Variants in CLEC19A observed in about 807,000 individuals in gnomAD.
CLEC19A encodes the protein C-type lectin domain family 19 member A.
Under a neutral mutation model 26.1 loss-of-function variants are expected in CLEC19A, and 21 were observed. The observed-to-expected ratio is 0.80, with a 90% CI of 0.57 to 1.16. The LOEUF is 1.16. Ranked by LOEUF, CLEC19A falls within the 50% of genes most tolerant of loss-of-function variation. The pLI is 0.00. For synonymous variants in CLEC19A, 89 were observed against 88.6 expected (o/e 1.00, Z -0.03); for missense variants, 224 against 227.6 (o/e 0.98, Z 0.10).
At chr16:19,301,746 T>TTG (rs1457920562) in intron 2 of CLEC19A, among the ~76,000 whole-genome samples, 2,916 of 121,880 alleles carry the variant, frequency 0.024, 265 homozygotes, top group African/African-American at 0.095. Context: ...GTTTTTTTTT[T>TTG]TTTTTTTTTT....
In CLEC19A at chr16:19,298,774, G is replaced by A. The variant is rs1597084517; in HGVS notation, c.190G>A (p.Ala64Thr). Residue 64 changes from alanine to threonine, a missense_variant, in exon 2 of 5, where the codon GCC (alanine) becomes ACC (threonine). Physicochemically the swap from Ala to Thr is moderately conservative, Grantham distance 58. Transcript: ENST00000636231. ...CCCTCTCAATAAGACCTGGGCTGAG[G>A]CCGACCTCTACTGTTCTGAGTTCTC... ...FFPLNKTWAE[A>T]DLYCSEFSVG... The A allele has an allele frequency of 1.3e-6, 2 of 1,550,764 alleles. No homozygotes were observed. The highest frequency in any genetic ancestry group is 1.7e-6 in the Non-Finnish European group (2 of 1,147,020).
chr16:19,297,886 GT>G (rs931558000), intron 1 of CLEC19A, among the ~76,000 whole-genome samples: 4 of 152,242 alleles, frequency 2.6e-5, no homozygotes, highest in African/African-American at 7.2e-5. Flanking sequence ...GTATGTATAT[GT>G]TTTTTGGACC....
In CLEC19A at chr16:19,309,146, A is replaced by T; in HGVS notation, c.*63A>T. On this transcript the variant is annotated 3_prime_UTR_variant, in exon 5 of 5. Coordinates refer to ENST00000636231, the MANE Select transcript of CLEC19A (RefSeq NM_001256720.2). ...ATCATCTTGTAGCTGTAACCAGTGT[A>T]GAATTGACATTGAATACATGTAAAA... 2 of 1,221,054 alleles carry T rather than the reference A, an allele frequency of 1.6e-6. No individual in the cohort carries two copies. Among genetic ancestry groups the T allele is most frequent in the Non-Finnish European group, 2.4e-6 (2 of 850,258 alleles). 75.6% of individuals were successfully genotyped at this position (1,221,054 alleles called of 1,614,324 possible).
In CLEC19A at chr16:19,304,144, G is replaced by A. The variant is rs1169777787; in HGVS notation, c.337G>A (p.Asp113Asn). 4.5e-6 allele frequency: 7 copies of A among 1,550,590 alleles called. No homozygotes were observed. The highest frequency in any genetic ancestry group is 1.2e-5 in the South Asian group (1 of 84,050). ...AGCTGACGTCTGGACAGGCCTTCATGATCACAGACAGGTGAGAAAGCAGTG... is the reference window on the plus strand; with the variant it reads ...AGCTGACGTCTGGACAGGCCTTCATAATCACAGACAGGTGAGAAAGCAGTG... ...IPADVWTGLH[D>N]HRQEGQFEWT... The change falls in exon 3 of 5, where the codon GAT (aspartate) becomes AAT (asparagine). Residue 113 changes from aspartate to asparagine, a missense_variant. Transcript: ENST00000636231.
chr16:19,294,636 T>C (rs1897666646), intron 1 of CLEC19A, among the ~76,000 whole-genome samples: 1 of 152,230 alleles, frequency 6.6e-6, no homozygotes, highest in Non-Finnish European at 1.5e-5. Context: ...ACTTCCCTTC[T>C]GCAGACTTCT....
intron 1 of CLEC19A, among the ~76,000 whole-genome samples, chr16:19,293,727 A>AGCAGC (rs1897641609): frequency 6.6e-6 from 1 of 151,674 alleles, no homozygotes; most frequent in African/African-American, 2.4e-5. Flanking sequence ...AAGTGTTGAG[A>AGCAGC]TTACAGGTGT....
At position 19,301,736 on chromosome 16, in the gene CLEC19A, G is replaced by GTTTTTTTTTTTTTTTTTTTTTTTTT. The variant is rs1171248968; in HGVS notation, c.255-2322_255-2298dup. On this transcript the variant is annotated intron_variant, in intron 2 of 4. Transcript: ENST00000636231. ...ATGACACCATGCCCAGGTTTTTTTG[G>GTTTTTTTTTTTTTTTTTTTTTTTTT]TTTTTTTTTTTTTTTTTTTTTTTTT... Among the ~76,000 whole-genome samples, 12 of 81,492 alleles carry GTTTTTTTTTTTTTTTTTTTTTTTTT rather than the reference G, an allele frequency of 1.5e-4. 2 individuals carry two copies. Among genetic ancestry groups the GTTTTTTTTTTTTTTTTTTTTTTTTT allele is most frequent in the African/African-American group, 4.8e-4 (10 of 20,926 alleles). The allele number at this position is 81,492 out of a possible 152,430, so 53.5% of individuals were successfully genotyped here.
intron 1 of CLEC19A, among the ~76,000 whole-genome samples, chr16:19,298,034 T>G (rs1897740230): frequency 6.6e-6 from 1 of 151,930 alleles, no homozygotes; most frequent in Admixed American, 6.6e-5. Flanking sequence ...GCGGATCACC[T>G]GAGGTCGAGA....
At chr16:19,301,699 G>T (rs1159087465) in intron 2 of CLEC19A, among the ~76,000 whole-genome samples, 1 of 145,516 alleles carries the variant, frequency 6.9e-6, no homozygotes, top group Admixed American at 7.0e-5. Context: ...GAGTAGCTGG[G>T]ACTACAGGCG....
chr16:19,289,388 C>T (rs1364766165), intron 1 of CLEC19A, among the ~76,000 whole-genome samples: 2 of 152,172 alleles, frequency 1.3e-5, no homozygotes, highest in Non-Finnish European at 2.9e-5. Flanking sequence ...GACTTATTTG[C>T]TTAATTGTTA....
intron 2 of CLEC19A, among the ~76,000 whole-genome samples, chr16:19,301,727 G>GTTTGTTTTTTTTTT (rs1897825284): frequency 3.5e-5 from 1 of 28,556 alleles, no homozygotes; most frequent in African/African-American, 8.6e-5. Flanking sequence ...CCATGCCCAG[G>GTTTGTTTTTTTTTT]TTTTTTTGGT....
intron 1 of CLEC19A, among the ~76,000 whole-genome samples, chr16:19,296,420 C>A (rs1177499071): frequency 6.6e-6 from 1 of 152,174 alleles, no homozygotes; most frequent in Admixed American, 6.5e-5. Flanking sequence ...TTATAAAACC[C>A]TGAGCTAATC....
chr16:19,289,668 A>G (rs1475805618), intron 1 of CLEC19A, among the ~76,000 whole-genome samples: 1 of 152,220 alleles, frequency 6.6e-6, no homozygotes, highest in African/African-American at 2.4e-5. Flanking sequence ...CACCCAATGA[A>G]TGGCTGCTAT....
At position 19,298,795 on chromosome 16, in the gene CLEC19A, T is replaced by A. The variant is rs1309144669; in HGVS notation, c.211T>A (p.Phe71Ile). The change falls in exon 2 of 5, where the codon TTC becomes ATC. Residue 71 changes from phenylalanine (F) to isoleucine (I), a missense_variant. Physicochemically the swap from Phe to Ile is conservative, Grantham distance 21 (BLOSUM62 0). Transcript: ENST00000636231. ...TGAGGCCGACCTCTACTGTTCTGAG[T>A]TCTCTGTGGGCAGGAAGTCCGCCAA... is the stretch of plus-strand genomic sequence containing the variant. ...WAEADLYCSEFSVGRKSAKLA... is the reference protein window; with the variant it reads ...WAEADLYCSEISVGRKSAKLA... 1.3e-6 allele frequency: 2 copies of A among 1,550,664 alleles called. No homozygotes were observed. The highest frequency in any genetic ancestry group is 1.7e-6 in the Non-Finnish European group (2 of 1,146,972).
At chr16:19,292,050 T>C (rs1274223181) in intron 1 of CLEC19A, among the ~76,000 whole-genome samples, 2 of 152,140 alleles carry the variant, frequency 1.3e-5, no homozygotes, top group Non-Finnish European at 2.9e-5. Context: ...ATATCCACAG[T>C]CTTTAAGACC....
At chr16:19,304,663 T>A (rs1897912899) in intron 3 of CLEC19A, among the ~76,000 whole-genome samples, 1 of 151,148 alleles carries the variant, frequency 6.6e-6, no homozygotes, top group African/African-American at 2.4e-5. Flanking sequence ...ATCATGCCAC[T>A]GCACTCCAGC....
At chr16:19,298,234 A>C in intron 1 of CLEC19A, among the ~76,000 whole-genome samples, 2 of 110,194 alleles carry the variant, frequency 1.8e-5, no homozygotes, top group African/African-American at 3.3e-5. Context: ...ATGAGCAAAA[A>C]CTCAATCTCA....
intron 2 of CLEC19A, among the ~76,000 whole-genome samples, chr16:19,303,175 G>A (rs1205262191): frequency 1.3e-5 from 2 of 152,186 alleles, no homozygotes; most frequent in Non-Finnish European, 2.9e-5. Context: ...ACAGTACCTG[G>A]CATGAAGTCA....
At position 19,300,901 on chromosome 16, in the gene CLEC19A, G is replaced by A. The variant is rs8057730; in HGVS notation, c.254+2063G>A. Among the ~76,000 whole-genome samples the A allele has an allele frequency of 6.6e-3, 999 of 152,262 alleles. 14 individuals are homozygous for A. The highest frequency in any genetic ancestry group is 0.023 in the African/African-American group (945 of 41,558). ...AGCCCCTGCCAGAGACTCCCAAGCC[G>A]AGGGGGAAAGAAATACTCTGGTTTC... is the stretch of plus-strand genomic sequence containing the variant. On this transcript the variant is annotated intron_variant, in intron 2 of 4. Transcript: ENST00000636231.
Sources: allele counts gnomAD v4.1 joint callset (sites outside exome capture counted in the v4.1 genomes callset), GRCh38; gene constraint gnomAD v4.1.1; transcripts MANE v1.5; gene names NCBI Gene and HGNC (gene_info 2026-07-23, HGNC 2026-07-21).